Variants in NCOA1 observed in about 807,000 individuals in gnomAD.
NCOA1 encodes nuclear receptor coactivator 1, also known as Hin-2 protein.
A neutral mutation model predicts 150.9 loss-of-function variants in NCOA1; 35 were observed. The ratio of observed to expected loss-of-function variants is 0.23; its 90% CI spans 0.18 to 0.31. The LOEUF (loss-of-function observed/expected upper bound fraction) is 0.31, where lower values mean the gene tolerates loss of function less well. NCOA1 is among the 10% of genes least tolerant of loss of function. The pLI is 1.00. For missense variants in NCOA1, 1,491 were observed against 1,749.3 expected, an observed-to-expected ratio of 0.85 and a Z score of 2.63; for synonymous variants, 590 against 630.0, an observed-to-expected ratio of 0.94 and a Z score of 0.95.
chr2:24,506,629 A>G lies in NCOA1; in HGVS notation c.-396+15027A>G, dbSNP rs769396564. Among the ~76,000 whole-genome samples the G allele has an allele frequency of 7.8e-4, 119 of 152,270 alleles. 1 individual carries two copies. The highest frequency in any genetic ancestry group is 1.4e-3 in the Non-Finnish European group (97 of 68,012). On this transcript the variant is annotated intron_variant, in intron 1 of 22. Transcript: ENST00000348332. Reference sequence around the variant, plus strand: ...TCTTTAGTGGTTAGGTTCCTTAATTATCATAAGAGAATACTCACCTGATTG... The same window carrying G: ...TCTTTAGTGGTTAGGTTCCTTAATTGTCATAAGAGAATACTCACCTGATTG...
chr2:24,614,771 A>T (rs928087228), intron 3 of NCOA1, among the ~76,000 whole-genome samples: 1 of 152,164 alleles, frequency 6.6e-6, no homozygotes, highest in African/African-American at 2.4e-5. Context: ...AGAAAAAGTT[A>T]TTTCTTCATG....
chr2:24,500,959 C>CT (rs1178450014), intron 1 of NCOA1, among the ~76,000 whole-genome samples: 1 of 152,192 alleles, frequency 6.6e-6, no homozygotes, highest in Non-Finnish European at 1.5e-5. Flanking sequence ...ACTTTAAGAG[C>CT]TTTTTTTATA....
intron 5 of NCOA1, among the ~76,000 whole-genome samples, chr2:24,659,598 T>A (rs542150910): frequency 6.6e-6 from 1 of 152,350 alleles, no homozygotes; most frequent in East Asian, 1.9e-4. Context: ...ATACCCTAGC[T>A]GCTCATTTAA....
intron 1 of NCOA1, among the ~76,000 whole-genome samples, chr2:24,561,079 C>T (rs1261755157): frequency 6.6e-6 from 1 of 152,096 alleles, no homozygotes; most frequent in Non-Finnish European, 1.5e-5. Context: ...CTTGGATATC[C>T]AGGACATACT....
chr2:24,729,931 C>T (rs1405455504), intron 17 of NCOA1, 116 bp downstream of exon 17: 20 of 1,115,614 alleles, frequency 1.8e-5, no homozygotes, highest in South Asian at 3.2e-5. Flanking sequence ...CTGCAACCGC[C>T]GCCTCCCAGG....
At chr2:24,597,499 AGGGGCT>A (rs202173972) in intron 3 of NCOA1, among the ~76,000 whole-genome samples, 47 of 144,488 alleles carry the variant, frequency 3.3e-4, no homozygotes, top group African/African-American at 1.1e-3. Flanking sequence ...TGTTTGTGGC[AGGGGCT>A]GGGGCTGGGG....
At chr2:24,596,514 T>C (rs1572466624) in intron 3 of NCOA1, among the ~76,000 whole-genome samples, 1 of 152,130 alleles carries the variant, frequency 6.6e-6, no homozygotes, top group East Asian at 1.9e-4. Context: ...AAAAAATCTT[T>C]GTTTTATTTA....
intron 1 of NCOA1, among the ~76,000 whole-genome samples, chr2:24,558,927 GTCCCTGT>G (rs747486463): frequency 6.1e-4 from 92 of 152,012 alleles, no homozygotes; most frequent in Non-Finnish European, 1.3e-3. Flanking sequence ...TCTTAATTCA[GTCCCTGT>G]TCCTTAGTCT....
At chr2:24,516,186 CT>C (rs755818385) in intron 1 of NCOA1, among the ~76,000 whole-genome samples, 4,104 of 93,014 alleles carry the variant, frequency 0.044, 33 homozygotes, top group Middle Eastern at 0.075. Context: ...TAGGTTTTGC[CT>C]TTTTTTTTTT....
intron 3 of NCOA1, among the ~76,000 whole-genome samples, chr2:24,590,452 G>T (rs55681630): frequency 0.01 from 1,545 of 151,994 alleles, 7 homozygotes; most frequent in Non-Finnish European, 0.016. Flanking sequence ...TTTAATTATA[G>T]TTTTCTCAAA....
At chr2:24,737,104 A>G (rs1663350431) in intron 17 of NCOA1, among the ~76,000 whole-genome samples, 1 of 152,176 alleles carries the variant, frequency 6.6e-6, no homozygotes, top group Non-Finnish European at 1.5e-5. Flanking sequence ...AAGGACTAAC[A>G]ACTAATCTCC....
chr2:24,751,873 A>G, intron 19 of NCOA1, 109 bp from the exon 20 acceptor site: 2 of 1,078,060 alleles, frequency 1.9e-6, no homozygotes, highest in Non-Finnish European at 2.6e-6. Context: ...CAAGGCAAAT[A>G]AGAAAGTTAT....
chr2:24,665,316 T>C (rs951199332), intron 5 of NCOA1, among the ~76,000 whole-genome samples: 3 of 152,214 alleles, frequency 2.0e-5, no homozygotes, highest in Non-Finnish European at 4.4e-5. Flanking sequence ...GGATTTCTAA[T>C]TATAACTTGT....
At chr2:24,588,253 T>C (rs1667501205) in intron 3 of NCOA1, among the ~76,000 whole-genome samples, 1 of 152,078 alleles carries the variant, frequency 6.6e-6, no homozygotes, top group Admixed American at 6.5e-5. Context: ...CCCATTAATT[T>C]TTCTGTTTTT....
intron 14 of NCOA1, among the ~76,000 whole-genome samples, chr2:24,712,877 G>A (rs1419731668): frequency 6.6e-6 from 1 of 151,878 alleles, no homozygotes; most frequent in Non-Finnish European, 1.5e-5. Flanking sequence ...ATGGGAAGTA[G>A]GGAAGAAAAA....
chr2:24,553,282 G>C (rs917791263), intron 1 of NCOA1, among the ~76,000 whole-genome samples: 2 of 151,618 alleles, frequency 1.3e-5, no homozygotes, highest in Non-Finnish European at 2.9e-5. Flanking sequence ...TGCAGTGGGC[G>C]ATCTTGGCTT....
intron 2 of NCOA1, among the ~76,000 whole-genome samples, chr2:24,571,130 C>T (rs764853674): frequency 7.3e-5 from 11 of 151,200 alleles, no homozygotes; most frequent in Non-Finnish European, 1.6e-4. Flanking sequence ...CTTACTATCT[C>T]GAGTACAGGG....
At chr2:24,537,533 A>C (rs915274825) in intron 1 of NCOA1, among the ~76,000 whole-genome samples, 2 of 151,914 alleles carry the variant, frequency 1.3e-5, no homozygotes, top group African/African-American at 4.8e-5. Context: ...TATAAAATGC[A>C]CAGAGATAGA....
At chr2:24,766,959 G>A (rs1282666788) in intron 22 of NCOA1, among the ~76,000 whole-genome samples, 1 of 151,824 alleles carries the variant, frequency 6.6e-6, no homozygotes, top group East Asian at 1.9e-4. Flanking sequence ...AAGAGAAGGA[G>A]AGAAAAGCAG....
Sources: gnomAD v4.1 joint callset for allele counts (sites outside exome capture counted in the v4.1 genomes callset) on GRCh38, gnomAD v4.1.1 for gene constraint, MANE v1.5 for transcripts, NCBI Gene and HGNC (gene_info 2026-07-23, HGNC 2026-07-21) for gene names.